Variants in LIPA observed in about 807,000 individuals in gnomAD.
LIPA encodes the protein lipase A, lysosomal acid type.
In LIPA, 26 loss-of-function variants were observed where a neutral mutation model predicts 40.6. That is an observed-to-expected ratio of 0.64 (90% CI 0.47 to 0.89). The LOEUF (loss-of-function observed/expected upper bound fraction) is 0.89, where lower values mean the gene tolerates loss of function less well. Among genes scored for constraint, LIPA ranks in the 40% least tolerant of loss-of-function variants. The pLI is 0.00. For missense variants in LIPA, 455 were observed against 479.6 expected (o/e 0.95, Z 0.48); for synonymous variants, 188 against 168.4 (o/e 1.12, Z -0.90).
chr10:89,377,358 T>C (rs1021925168), intron 2 of LIPA, among the ~76,000 whole-genome samples: 7 of 152,240 alleles, frequency 4.6e-5, no homozygotes, highest in African/African-American at 1.4e-4. Context: ...ACATTGCATA[T>C]GTTTCTCTAC....
At position 89,373,334 on chromosome 10, in the gene LIPA, CAAAAAAAA is replaced by C. The variant is rs34479360; in HGVS notation, c.61+39449_61+39456del. Among the ~76,000 whole-genome samples, 210 of 63,152 alleles carry C rather than the reference CAAAAAAAA, an allele frequency of 3.3e-3. 4 individuals carry two copies. Among genetic ancestry groups the C allele is most frequent in the Middle Eastern group, 0.012 (1 of 86 alleles). The allele number at this position is 63,152 out of a possible 152,430, so 41.4% of individuals were successfully genotyped here. On this transcript the variant is annotated intron_variant, in intron 2 of 8. Coordinates refer to the LIPA transcript ENST00000371837. ...TGGGCGACAGAGCGAGACTCCCTCT[CAAAAAAAA>C]AAAAAAAAAAAAAAAACTGGAACAC...
At chr10:89,412,540 T>C (rs1841478240) in intron 2 of LIPA, 1 of 179,532 alleles carries the variant, frequency 5.6e-6, no homozygotes, top group Non-Finnish European at 1.2e-5. Context: ...CGGGTCTGCT[T>C]CCACGTCGTG....
At chr10:89,304,829 A>T (rs962346049) in intron 1 of LIPA, among the ~76,000 whole-genome samples, 1 of 152,054 alleles carries the variant, frequency 6.6e-6, no homozygotes, top group Non-Finnish European at 1.5e-5. Flanking sequence ...GAGGACCAAC[A>T]CTAAAGGGAA....
chr10:89,250,103 C>CTTTTTTTTTTTTTT (rs1564767193), intron 1 of LIPA, among the ~76,000 whole-genome samples: 2 of 94,056 alleles, frequency 2.1e-5, no homozygotes, highest in Non-Finnish European at 2.0e-5. Context: ...CTTTTCTTTT[C>CTTTTTTTTTTTTTT]TTTCTTTTTT....
At chr10:89,375,851 T>TA (rs1055654350) in intron 2 of LIPA, among the ~76,000 whole-genome samples, 5 of 152,092 alleles carry the variant, frequency 3.3e-5, no homozygotes, top group Non-Finnish European at 7.4e-5. Flanking sequence ...TTGGTGGGTT[T>TA]ATGGAAGAAT....
upstream of LIPA, among the ~76,000 whole-genome samples, chr10:89,254,998 T>C (rs979303467): frequency 6.6e-6 from 1 of 152,198 alleles, no homozygotes; most frequent in Non-Finnish European, 1.5e-5. Flanking sequence ...GTCAAAGCCA[T>C]TCAACAGTTC....
At chr10:89,412,693 G>A (rs1385894039) in intron 2 of LIPA, 1 of 419,188 alleles carries the variant, frequency 2.4e-6, no homozygotes, top group Non-Finnish European at 4.7e-6. Context: ...CCCACCGGGA[G>A]GAACGAACAA....
chr10:89,359,724 C>T (rs1380870011), intron 2 of LIPA, among the ~76,000 whole-genome samples: 3 of 152,150 alleles, frequency 2.0e-5, no homozygotes, highest in African/African-American at 7.2e-5. Context: ...CATAGGAAAA[C>T]ACGTGTCACC....
chr10:89,345,531 AAAATAAATAAATAAAT>A (rs3063811), upstream of LIPA, among the ~76,000 whole-genome samples: 83 of 148,710 alleles, frequency 5.6e-4, no homozygotes, highest in Middle Eastern at 3.5e-3. Flanking sequence ...TCCATCTCAA[AAAATAAATAAATAAAT>A]AAATAAATAA....
intron 2 of LIPA, chr10:89,383,922 G>C: frequency 6.2e-7 from 1 of 1,614,168 alleles, no homozygotes; most frequent in Non-Finnish European, 8.5e-7. Context: ...CATTTTCTCT[G>C]CACGTCCTAA....
intron 1 of LIPA, among the ~76,000 whole-genome samples, chr10:89,265,177 G>A (rs1023036940): frequency 6.6e-6 from 1 of 151,376 alleles, no homozygotes; most frequent in Non-Finnish European, 1.5e-5. Context: ...GCACTTCTGA[G>A]CTTGCAGGGG....
At position 89,293,739 on chromosome 10, in the gene LIPA, T is replaced by C. The variant is rs1363446879; in HGVS notation, c.-1-46090A>G. Reference sequence around the variant, plus strand: ...GATATCTGAGGTCTCTTCTTTTTCTTCTTGTTTGTATGAAGACGTCAGTGT... The same window carrying C: ...GATATCTGAGGTCTCTTCTTTTTCTCCTTGTTTGTATGAAGACGTCAGTGT... On this transcript the variant is annotated intron_variant, in intron 1 of 5. Transcript: ENST00000282673. 4 of 151,386 alleles carry C rather than the reference T, an allele frequency of 2.6e-5. No homozygotes were observed. The East Asian group carries it at 7.7e-4, about 29-fold the overall frequency. 9.4% of individuals were successfully genotyped at this position (151,386 alleles called of 1,614,324 possible).
intron 2 of LIPA, among the ~76,000 whole-genome samples, chr10:89,359,971 A>G (rs1312436156): frequency 1.3e-5 from 2 of 152,092 alleles, no homozygotes; most frequent in African/African-American, 2.4e-5. Context: ...CTATAGTTCT[A>G]TAACTAGGAA....
At chr10:89,318,296 A>G (rs878975055) in intron 1 of LIPA, among the ~76,000 whole-genome samples, 2 of 152,358 alleles carry the variant, frequency 1.3e-5, no homozygotes, top group East Asian at 3.9e-4. Flanking sequence ...GTCAAGAACC[A>G]TCAGTGTGCT....
chr10:89,240,835 T>C lies in LIPA; in HGVS notation c.229+4841A>G, dbSNP rs564840426. On this transcript the variant is annotated intron_variant, in intron 3 of 9. Coordinates refer to ENST00000336233, the MANE Select transcript of LIPA (RefSeq NM_000235.4). ...CAGTGTGCCCTTGAGCAGGGGACACTATTAAATCGCAATGTCACAGGAGGG... is the reference window on the plus strand; with the variant it reads ...CAGTGTGCCCTTGAGCAGGGGACACCATTAAATCGCAATGTCACAGGAGGG... Among the ~76,000 whole-genome samples, 312 of 152,246 alleles carry C rather than the reference T, an allele frequency of 2.0e-3. 1 individual carries two copies. Among genetic ancestry groups the C allele is most frequent in the Non-Finnish European group, 3.2e-3 (215 of 68,010 alleles).
chr10:89,372,505 A>G (rs1844097303), intron 2 of LIPA, among the ~76,000 whole-genome samples: 1 of 152,242 alleles, frequency 6.6e-6, no homozygotes, highest in Non-Finnish European at 1.5e-5. Context: ...AAGCAAATTA[A>G]GCGCTTATCA....
At chr10:89,400,578 T>A (rs2133626050) in intron 2 of LIPA, among the ~76,000 whole-genome samples, 1 of 152,330 alleles carries the variant, frequency 6.6e-6, no homozygotes, top group African/African-American at 2.4e-5. Context: ...TTGGGATTTT[T>A]AAATTGTTAC....
At chr10:89,354,682 T>C (rs1159650543) in intron 2 of LIPA, among the ~76,000 whole-genome samples, 1 of 152,098 alleles carries the variant, frequency 6.6e-6, no homozygotes, top group East Asian at 1.9e-4. Context: ...ATTCTACTGC[T>C]TCAGCCTCCC....
chr10:89,392,713 A>G lies in LIPA; in HGVS notation c.61+20078T>C, dbSNP rs1348632565. 7 of 1,613,990 alleles carry G rather than the reference A, an allele frequency of 4.3e-6. No homozygotes were observed. In the Admixed American group the frequency reaches 6.7e-5, roughly 15 times the overall value. ...AACGGCTGCCTAATTTACAGCAACC[A>G]TGAGGTAAGGATTTCTTTGCTCCTC... On this transcript the variant is annotated intron_variant, in intron 2 of 8. Transcript: ENST00000371837.
Sources: gnomAD v4.1 joint callset for allele counts (sites outside exome capture counted in the v4.1 genomes callset) on GRCh38, gnomAD v4.1.1 for gene constraint, MANE v1.5 for transcripts, NCBI Gene and HGNC (gene_info 2026-07-23, HGNC 2026-07-21) for gene names.